ARL15: variants seen among roughly 807,000 people sequenced by gnomAD.
ARL15 encodes the protein ARF like GTPase 15, also known as ADP-ribosylation factor-like protein 15.
In ARL15, 19 loss-of-function variants were observed where a neutral mutation model predicts 25.2. The observed-to-expected ratio is 0.75, with a 90% CI of 0.53 to 1.10. The LOEUF (loss-of-function observed/expected upper bound fraction) is 1.10. Ranked by LOEUF, ARL15 falls within the 50% of genes least tolerant of loss-of-function variation. ARL15 has a pLI of 0.00. For missense variants in ARL15, 220 were observed against 246.0 expected (o/e 0.89, Z 0.71); for synonymous variants, 94 against 86.8 (o/e 1.08, Z -0.46).
chr5:54,237,575 A>T (rs1019905770), intron 1 of ARL15, among the ~76,000 whole-genome samples: 13 of 152,216 alleles, frequency 8.5e-5, no homozygotes, highest in African/African-American at 3.1e-4. Flanking sequence ...TTTTATGTAA[A>T]TTAGTATTGT....
At chr5:54,279,170 ACT>A (rs1757992766) in intron 1 of ARL15, among the ~76,000 whole-genome samples, 1 of 151,594 alleles carries the variant, frequency 6.6e-6, no homozygotes, top group Non-Finnish European at 1.5e-5. Context: ...TTTACTCATA[ACT>A]CAGCATTTCT....
intron 4 of ARL15, among the ~76,000 whole-genome samples, chr5:53,907,816 ACT>A (rs1745320998): frequency 1.3e-5 from 2 of 151,042 alleles, no homozygotes; most frequent in Non-Finnish European, 3.0e-5. Flanking sequence ...ATATATTCTT[ACT>A]CTCTGTGTGA....
rs138530565 is a variant in ARL15, at chr5:54,095,212, G to C, written c.462+17990C>G. 2.2e-4 allele frequency among the ~76,000 whole-genome samples: 33 copies of C among 152,166 alleles called. No individual in the cohort carries two copies. The East Asian group carries it at 6.2e-3, about 28-fold the overall frequency. ...GTCACAGAGGGCATGAATTTAATAA[G>C]AGGTATTAAAAAAAGGAACTACTAT... On this transcript the variant is annotated intron_variant, in intron 4 of 4. Transcript: ENST00000504924.
rs1255717046 is a variant in ARL15, at chr5:54,216,801, A to G, written c.49-44873T>C. ...TATGCTGCAAATTTCTAGTTTATAC[A>G]GTAGTTAAGAGAATGTATATACCTT... On this transcript the variant is annotated intron_variant, in intron 1 of 4. Transcript: ENST00000504924. 2.0e-5 allele frequency among the ~76,000 whole-genome samples: 3 copies of G among 152,192 alleles called. No individual in the cohort carries two copies. The East Asian group carries it at 5.8e-4, about 29-fold the overall frequency.
chr5:54,207,880 G>C, intron 1 of ARL15, among the ~76,000 whole-genome samples: 1 of 152,184 alleles, frequency 6.6e-6, no homozygotes, highest in Admixed American at 6.5e-5. Context: ...TTCACAAGCT[G>C]GGCAACTGGC....
At chr5:53,933,623 C>T (rs1207595638) in intron 4 of ARL15, among the ~76,000 whole-genome samples, 6 of 109,536 alleles carry the variant, frequency 5.5e-5, no homozygotes, top group African/African-American at 1.8e-4. Flanking sequence ...CCAGTCTGGG[C>T]GACAGAGCGA....
At chr5:54,129,815 T>A (rs886843539) in intron 3 of ARL15, among the ~76,000 whole-genome samples, 10 of 152,258 alleles carry the variant, frequency 6.6e-5, no homozygotes, top group Non-Finnish European at 1.5e-4. Context: ...CATACTTTCA[T>A]CTGTAAATAT....
intron 4 of ARL15, among the ~76,000 whole-genome samples, chr5:53,980,016 C>G (rs1283588323): frequency 6.6e-6 from 1 of 152,128 alleles, no homozygotes; most frequent in Non-Finnish European, 1.5e-5. Context: ...AAAGTCTTGA[C>G]TCTAGTTTCT....
At chr5:54,217,683 CA>C (rs1421004540) in intron 1 of ARL15, among the ~76,000 whole-genome samples, 4 of 152,094 alleles carry the variant, frequency 2.6e-5, no homozygotes, top group Non-Finnish European at 4.4e-5. Flanking sequence ...ATGTACATCT[CA>C]GATGATTCAC....
intron 4 of ARL15, among the ~76,000 whole-genome samples, chr5:53,904,582 A>G (rs1022479878): frequency 2.6e-5 from 4 of 152,166 alleles, no homozygotes; most frequent in Admixed American, 6.5e-5. Context: ...AAGAAACAGA[A>G]GCTGAAAAAT....
chr5:54,210,592 C>T (rs1046714700), intron 1 of ARL15, among the ~76,000 whole-genome samples: 1 of 152,274 alleles, frequency 6.6e-6, no homozygotes, highest in Admixed American at 6.5e-5. Context: ...GATAACTGTA[C>T]ATGACAAATC....
At chr5:54,183,757 C>T (rs1394512400) in intron 1 of ARL15, among the ~76,000 whole-genome samples, 3 of 150,502 alleles carry the variant, frequency 2.0e-5, no homozygotes, top group Non-Finnish European at 4.4e-5. Context: ...TGGGTATATA[C>T]CCAAATGACT....
intron 4 of ARL15, among the ~76,000 whole-genome samples, chr5:53,947,912 A>G (rs1746803026): frequency 1.3e-5 from 2 of 152,304 alleles, no homozygotes; most frequent in South Asian, 4.1e-4. Context: ...TTAGAAGAAA[A>G]CAGCCCTCTC....
intron 4 of ARL15, among the ~76,000 whole-genome samples, chr5:53,971,832 A>G (rs1215429080): frequency 6.6e-6 from 1 of 152,182 alleles, no homozygotes; most frequent in Non-Finnish European, 1.5e-5. Context: ...CAGCCCTTGC[A>G]TATGCTTTGC....
At chr5:54,155,835 G>A in intron 2 of ARL15, among the ~76,000 whole-genome samples, 1 of 152,068 alleles carries the variant, frequency 6.6e-6, no homozygotes, top group South Asian at 2.1e-4. Context: ...TGTTTCATTT[G>A]AATGTTTTGC....
chr5:54,204,358 A>G lies in ARL15; in HGVS notation c.49-32430T>C, dbSNP rs184250484. On this transcript the variant is annotated intron_variant, in intron 1 of 4. Coordinates refer to ENST00000504924, the MANE Select transcript of ARL15 (RefSeq NM_019087.3). ...GACATGCAGGAATTCTGCACTGCCC[A>G]TGTTTTCAGAAATTAGGACTTTGAC... 7.9e-4 allele frequency among the ~76,000 whole-genome samples: 120 copies of G among 152,268 alleles called. No homozygotes were observed. In the South Asian group the frequency reaches 0.012, roughly 15 times the overall value.
At chr5:54,269,247 T>G (rs925247708) in intron 1 of ARL15, among the ~76,000 whole-genome samples, 12 of 151,998 alleles carry the variant, frequency 7.9e-5, no homozygotes, top group East Asian at 1.9e-4. Flanking sequence ...TAAAATAAAA[T>G]AAAAGAACAA....
chr5:54,250,556 G>A (rs1757211879), intron 1 of ARL15, among the ~76,000 whole-genome samples: 1 of 152,182 alleles, frequency 6.6e-6, no homozygotes, highest in Admixed American at 6.6e-5. Flanking sequence ...AGTAAGTTCT[G>A]AGGAGTAGAA....
At chr5:54,266,210 A>G in intron 1 of ARL15, among the ~76,000 whole-genome samples, 1 of 152,186 alleles carries the variant, frequency 6.6e-6, no homozygotes, top group East Asian at 1.9e-4. Context: ...TCCCACCTCA[A>G]CTGACTAGAA....
Sources: allele counts gnomAD v4.1 joint callset (sites outside exome capture counted in the v4.1 genomes callset), GRCh38; gene constraint gnomAD v4.1.1; transcripts MANE v1.5; gene names NCBI Gene and HGNC (gene_info 2026-07-23, HGNC 2026-07-21).